CDYL: variants seen among roughly 807,000 people sequenced by gnomAD.
CDYL encodes chromodomain Y-like protein.
In CDYL, 8 loss-of-function variants were observed where a neutral mutation model predicts 47.3. That is an observed-to-expected ratio of 0.17 (90% CI 0.10 to 0.31). The LOEUF (loss-of-function observed/expected upper bound fraction) is 0.31, where lower values mean the gene tolerates loss of function less well. Ranked by LOEUF, CDYL falls within the 10% of genes least tolerant of loss-of-function variation. The pLI is 1.00. For missense variants in CDYL, 471 were observed against 701.4 expected (o/e 0.67, Z 3.71); for synonymous variants, 266 against 265.0 (o/e 1.00, Z -0.04).
intron 3 of CDYL, among the ~76,000 whole-genome samples, chr6:4,763,000 G>T: frequency 6.6e-6 from 1 of 152,054 alleles, no homozygotes; most frequent in East Asian, 1.9e-4. Context: ...TAAAACTGCT[G>T]AAAACCCAAG....
upstream of CDYL, among the ~76,000 whole-genome samples, chr6:4,776,087 TG>T (rs906378508): frequency 2.7e-5 from 4 of 149,920 alleles, no homozygotes; most frequent in Non-Finnish European, 5.9e-5. Context: ...CGAGGCGGGC[TG>T]GGGGGCGGTG....
intron 1 of CDYL, among the ~76,000 whole-genome samples, chr6:4,817,658 T>G (rs1759711699): frequency 6.6e-6 from 1 of 152,200 alleles, no homozygotes; most frequent in Non-Finnish European, 1.5e-5. Flanking sequence ...TGTTGTGTCT[T>G]GAGGGCCTAA....
chr6:4,749,389 AGATGGATGGATGAATGAATGTAT>A (rs1757952607), intron 3 of CDYL, among the ~76,000 whole-genome samples: 1 of 150,286 alleles, frequency 6.7e-6, no homozygotes, highest in Admixed American at 6.6e-5. Context: ...TGTGATGGAT[AGATGGATGGATGAATGAATGTAT>A]GATGGATGGA....
chr6:4,945,333 C>G (rs141813706), intron 5 of CDYL, among the ~76,000 whole-genome samples: 6 of 152,144 alleles, frequency 3.9e-5, no homozygotes, highest in Admixed American at 3.9e-4. Flanking sequence ...AAAACCAGAA[C>G]GTTTAAAATA....
chr6:4,893,126 G>A (rs1762097460), intron 2 of CDYL, among the ~76,000 whole-genome samples: 1 of 152,242 alleles, frequency 6.6e-6, no homozygotes, highest in Admixed American at 6.5e-5. Context: ...TCACCTGCTG[G>A]AGCTTTCTAA....
At chr6:4,774,426 C>T (rs910436299), upstream of CDYL, 6 of 152,156 alleles carry the variant, frequency 3.9e-5, no homozygotes, top group African/African-American at 1.4e-4. Context: ...TGAAATGCAG[C>T]ATATAATGGA....
At chr6:4,840,360 G>A (rs563666794) in intron 1 of CDYL, among the ~76,000 whole-genome samples, 50 of 152,222 alleles carry the variant, frequency 3.3e-4, no homozygotes, top group African/African-American at 1.1e-3. Flanking sequence ...AACGGTGACG[G>A]TTTGACTTCC....
At chr6:4,870,703 TTCTC>T (rs922308395) in intron 1 of CDYL, among the ~76,000 whole-genome samples, 4 of 152,222 alleles carry the variant, frequency 2.6e-5, no homozygotes, top group African/African-American at 9.6e-5. Flanking sequence ...ACATCTTTTT[TTCTC>T]TCTGTCTCTT....
intron 1 of CDYL, among the ~76,000 whole-genome samples, chr6:4,875,134 A>T (rs1054816632): frequency 6.6e-6 from 1 of 151,964 alleles, no homozygotes; most frequent in Non-Finnish European, 1.5e-5. Context: ...GCCACTCTTG[A>T]CTCTGACAGG....
chr6:4,844,459 T>C (rs1011257131), intron 1 of CDYL, among the ~76,000 whole-genome samples: 1 of 152,194 alleles, frequency 6.6e-6, no homozygotes, highest in Non-Finnish European at 1.5e-5. Flanking sequence ...CTCTTGGCTT[T>C]CCTGGTACGT....
chr6:4,746,888 C>T (rs1757908145), intron 3 of CDYL, among the ~76,000 whole-genome samples: 1 of 152,160 alleles, frequency 6.6e-6, no homozygotes, highest in South Asian at 2.1e-4. Context: ...GCCGGCCCCT[C>T]ACCCCATCTA....
chr6:4,821,260 C>CTTTTTTTTTTTTTTT (rs1176819548), intron 1 of CDYL, among the ~76,000 whole-genome samples: 2 of 60,380 alleles, frequency 3.3e-5, no homozygotes, highest in African/African-American at 7.2e-5. Flanking sequence ...TATGGGAATT[C>CTTTTTTTTTTTTTTT]TTTTTTTTTT....
intron 2 of CDYL, among the ~76,000 whole-genome samples, chr6:4,917,602 G>A (rs1195589779): frequency 3.3e-5 from 5 of 152,194 alleles, no homozygotes; most frequent in African/African-American, 1.2e-4. Flanking sequence ...CAGATGAAGT[G>A]GGGGGCAGAA....
intron 1 of CDYL, among the ~76,000 whole-genome samples, chr6:4,828,242 T>TA (rs199880424): frequency 6.8e-6 from 1 of 146,238 alleles, no homozygotes; most frequent in Admixed American, 7.2e-5. Context: ...GTTTTTTTTT[T>TA]AACTTTCAGC....
intron 3 of CDYL, among the ~76,000 whole-genome samples, chr6:4,754,950 T>G (rs1758052454): frequency 6.6e-6 from 1 of 152,212 alleles, no homozygotes; most frequent in Non-Finnish European, 1.5e-5. Context: ...TTTTTTGAAA[T>G]GACCCCTTTC....
At chr6:4,719,235 C>G (rs1323519133) in intron 2 of CDYL, among the ~76,000 whole-genome samples, 2 of 152,170 alleles carry the variant, frequency 1.3e-5, no homozygotes, top group Non-Finnish European at 2.9e-5. Context: ...TTTTAAATTG[C>G]TTTTAGATAA....
intron 3 of CDYL, 35 bp downstream of exon 3, chr6:4,935,806 G>C: frequency 6.2e-7 from 1 of 1,608,444 alleles, no homozygotes; most frequent in Non-Finnish European, 8.5e-7. Context: ...TGGGCTTCGC[G>C]CTTCTCCCTG....
intron 1 of CDYL, among the ~76,000 whole-genome samples, chr6:4,852,662 A>G (rs541371628): frequency 6.6e-6 from 1 of 151,364 alleles, no homozygotes; most frequent in East Asian, 2.0e-4. Context: ...GTGTAAAATC[A>G]TTGATTATAA....
Position 4,884,005 on chromosome 6 carries a change from T to C in CDYL, c.25-7708T>C, listed in dbSNP as rs111275192. On this transcript the variant is annotated intron_variant, in intron 1 of 6. Transcript: ENST00000397588. Reference sequence around the variant, plus strand: ...ATCATTGACTCACCATGTGTGTGCATCCTACAAGTAGCTTTCCCCACTGTG... The same window carrying C: ...ATCATTGACTCACCATGTGTGTGCACCCTACAAGTAGCTTTCCCCACTGTG... 4.9e-3 allele frequency among the ~76,000 whole-genome samples: 739 copies of C among 152,292 alleles called. 4 individuals carry two copies. Among genetic ancestry groups the C allele is most frequent in the Non-Finnish European group, 8.7e-3 (589 of 68,016 alleles).
Sources: allele counts gnomAD v4.1 joint callset (sites outside exome capture counted in the v4.1 genomes callset), GRCh38; gene constraint gnomAD v4.1.1; transcripts MANE v1.5; gene names NCBI Gene and HGNC (gene_info 2026-07-23, HGNC 2026-07-21).